LRRC8C: variants seen among roughly 807,000 people sequenced by gnomAD.
LRRC8C encodes the protein volume-regulated anion channel subunit LRRC8C.
Under a neutral mutation model 55.3 loss-of-function variants are expected in LRRC8C, and 20 were observed. That is an observed-to-expected ratio of 0.36 (90% CI 0.25 to 0.53). The LOEUF is 0.53. Ranked by LOEUF, LRRC8C falls within the 20% of genes least tolerant of loss-of-function variation. The pLI is 0.92. For missense variants in LRRC8C, 659 were observed against 951.4 expected (o/e 0.69, Z 4.04); for synonymous variants, 376 against 360.7 (o/e 1.04, Z -0.48).
chr1:89,712,461 G>T (rs963230635), intron 2 of LRRC8C, among the ~76,000 whole-genome samples: 22 of 152,094 alleles, frequency 1.4e-4, no homozygotes, highest in Admixed American at 4.6e-4. Context: ...TTATTTTCTT[G>T]TGAGTTGTTC....
intron 2 of LRRC8C, chr1:89,706,168 AACAAC>A (rs1658476326): frequency 1.1e-5 from 4 of 349,272 alleles, no homozygotes; most frequent in Non-Finnish European, 2.2e-5. Context: ...TCCCAAATAT[AACAAC>A]TGACATATAG....
intron 1 of LRRC8C, among the ~76,000 whole-genome samples, chr1:89,685,101 C>CTTT (rs11316114): frequency 0.025 from 1,924 of 76,174 alleles, 12 homozygotes; most frequent in East Asian, 0.031. Flanking sequence ...CTATCTAGTT[C>CTTT]TTTTTTTTTT....
chr1:89,636,613 C>T (rs1656290310), intron 1 of LRRC8C, among the ~76,000 whole-genome samples: 1 of 130,434 alleles, frequency 7.7e-6, no homozygotes, highest in Non-Finnish European at 1.6e-5. Context: ...CCAGTCTCTC[C>T]CCACCACACA....
intron 2 of LRRC8C, among the ~76,000 whole-genome samples, chr1:89,702,965 C>T (rs1309207079): frequency 6.6e-6 from 1 of 152,168 alleles, no homozygotes; most frequent in African/African-American, 2.4e-5. Context: ...GGAATCAAAA[C>T]ACACGCTCAT....
chr1:89,617,990 G>A, the LRRC8C span, among the ~76,000 whole-genome samples: 1 of 152,122 alleles, frequency 6.6e-6, no homozygotes, highest in Non-Finnish European at 1.5e-5. Context: ...TCACCAATCA[G>A]GAAGCTCCCC....
intron 2 of LRRC8C, among the ~76,000 whole-genome samples, chr1:89,693,744 G>A (rs1439020550): frequency 3.1e-5 from 4 of 130,204 alleles, no homozygotes; most frequent in Non-Finnish European, 6.2e-5. Context: ...TGCAACCTCT[G>A]CCTCCCAGTT....
rs183390061 is a variant in LRRC8C at position 89,718,047 on chromosome 1, A to G, written c.*3065A>G. The stretch of plus-strand genomic sequence containing the variant: ...TAAATATATCCCAGTGGAACTCACC[A>G]AAGAAGACCACACCTCAGAAATTAT... On this transcript the variant is annotated 3_prime_UTR_variant, in exon 3 of 3. Transcript: ENST00000370454. 9 of 152,320 alleles carry G rather than the reference A, an allele frequency of 5.9e-5. No homozygotes were observed. The highest frequency in any genetic ancestry group is 1.2e-4 in the Non-Finnish European group (8 of 68,002). The allele number at this position is 152,320 out of a possible 1,614,324, so 9.4% of individuals were successfully genotyped here. A position where few individuals can be genotyped will look rare whatever the true frequency, so the allele number is the denominator to read the frequency against.
At chr1:89,683,313 C>A (rs1205810858) in intron 1 of LRRC8C, among the ~76,000 whole-genome samples, 6 of 151,548 alleles carry the variant, frequency 4.0e-5, no homozygotes, top group Admixed American at 3.9e-4. Context: ...GCATATGTTA[C>A]AAAATCATGC....
At chr1:89,669,275 G>A (rs1227466312) in intron 1 of LRRC8C, among the ~76,000 whole-genome samples, 1 of 152,032 alleles carries the variant, frequency 6.6e-6, no homozygotes, top group Admixed American at 6.6e-5. Flanking sequence ...CCAGGGGCTG[G>A]GGGGAGGGGA....
At chr1:89,710,943 C>G (rs1658632769) in intron 2 of LRRC8C, among the ~76,000 whole-genome samples, 1 of 152,148 alleles carries the variant, frequency 6.6e-6, no homozygotes, top group Non-Finnish European at 1.5e-5. Flanking sequence ...ATGCCTCAGT[C>G]TCCTCATCTA....
the LRRC8C span, among the ~76,000 whole-genome samples, chr1:89,623,066 GCTC>G: frequency 6.6e-6 from 1 of 151,812 alleles, no homozygotes; most frequent in Non-Finnish European, 1.5e-5. Context: ...GTGGTTAAAT[GCTC>G]CTCCTTTTGG....
intron 2 of LRRC8C, among the ~76,000 whole-genome samples, chr1:89,710,058 T>C (rs1321651829): frequency 2.6e-5 from 4 of 152,214 alleles, no homozygotes; most frequent in African/African-American, 9.6e-5. Flanking sequence ...GCCTGTATTT[T>C]CATCATATCA....
chr1:89,685,136 T>C (rs1486084395), intron 1 of LRRC8C, among the ~76,000 whole-genome samples: 2 of 126,296 alleles, frequency 1.6e-5, no homozygotes, highest in Non-Finnish European at 3.2e-5. Flanking sequence ...TGAGACGGAG[T>C]CTCACTCTGT....
At chr1:89,618,716 G>C in the LRRC8C span, among the ~76,000 whole-genome samples, 6 of 152,216 alleles carry the variant, frequency 3.9e-5, no homozygotes, top group East Asian at 5.8e-4. Flanking sequence ...ACAATGGTTA[G>C]AGTAGTTAAA....
At chr1:89,681,518 T>C (rs1657708915) in intron 1 of LRRC8C, among the ~76,000 whole-genome samples, 1 of 152,186 alleles carries the variant, frequency 6.6e-6, no homozygotes, top group South Asian at 2.1e-4. Context: ...GGGTCATTTA[T>C]AAAGAAAAAG....
chr1:89,708,713 A>G (rs1029092308), intron 2 of LRRC8C: 2 of 152,202 alleles, frequency 1.3e-5, no homozygotes, highest in Non-Finnish European at 2.9e-5. Flanking sequence ...TACAGTCTCT[A>G]TTTAACATGG....
chr1:89,626,567 T>C, the LRRC8C span: 2 of 152,184 alleles, frequency 1.3e-5, no homozygotes, highest in Non-Finnish European at 2.9e-5. Flanking sequence ...GGTTTAATCA[T>C]TTACTAGAAT....
intron 2 of LRRC8C, among the ~76,000 whole-genome samples, chr1:89,710,319 T>A (rs1304453191): frequency 1.3e-5 from 2 of 152,204 alleles, no homozygotes; most frequent in Non-Finnish European, 2.9e-5. Flanking sequence ...TGTTTTTTAT[T>A]CCAGGGGTTT....
chr1:89,616,235 C>T, the LRRC8C span, among the ~76,000 whole-genome samples: 8 of 152,166 alleles, frequency 5.3e-5, no homozygotes, highest in African/African-American at 1.4e-4. Context: ...GCCCTAGCCT[C>T]ATCAACCCAG....
Sources: gnomAD v4.1 joint callset for allele counts (sites outside exome capture counted in the v4.1 genomes callset) on GRCh38, gnomAD v4.1.1 for gene constraint, MANE v1.5 for transcripts, NCBI Gene and HGNC (gene_info 2026-07-23, HGNC 2026-07-21) for gene names.